KCNMA1: variants seen among roughly 807,000 people sequenced by gnomAD.
KCNMA1 encodes the protein potassium calcium-activated channel subfamily M alpha 1, also known as Calcium-activated potassium channel subunit alpha-1.
In KCNMA1, 29 loss-of-function variants were observed where a neutral mutation model predicts 140.0. The observed-to-expected ratio is 0.21, with a 90% CI of 0.15 to 0.28. KCNMA1 has a LOEUF of 0.28. KCNMA1 is among the 10% of genes least tolerant of loss of function. The pLI is 1.00. For missense variants in KCNMA1, 880 were observed against 1,602.2 expected (o/e 0.55, Z 7.70); for synonymous variants, 612 against 611.9 (o/e 1.00, Z 0.00).
intron 12 of KCNMA1, among the ~76,000 whole-genome samples, chr10:77,082,907 G>A (rs1275231747): frequency 6.6e-6 from 1 of 152,222 alleles, no homozygotes; most frequent in Admixed American, 6.5e-5. Flanking sequence ...AGGGAGGACT[G>A]GCTCCTCTGA....
intron 2 of KCNMA1, among the ~76,000 whole-genome samples, chr10:77,318,242 G>T (rs1192573128): frequency 6.6e-6 from 1 of 152,156 alleles, no homozygotes; most frequent in Non-Finnish European, 1.5e-5. Flanking sequence ...GATTTTACCT[G>T]CATTTTCACT....
At chr10:77,109,958 C>A (rs1423473794) in intron 8 of KCNMA1, among the ~76,000 whole-genome samples, 1 of 152,164 alleles carries the variant, frequency 6.6e-6, no homozygotes, top group Non-Finnish European at 1.5e-5. Flanking sequence ...CTGTCCCCGA[C>A]AAGGGCAATG....
intron 1 of KCNMA1, among the ~76,000 whole-genome samples, chr10:77,422,986 A>T (rs969102104): frequency 2.6e-5 from 4 of 152,262 alleles, no homozygotes; most frequent in Non-Finnish European, 5.9e-5. Flanking sequence ...TTCTAGTCCA[A>T]GGACAGATAA....
intron 16 of KCNMA1, among the ~76,000 whole-genome samples, chr10:77,026,831 C>T (rs2093497175): frequency 6.6e-6 from 1 of 152,118 alleles, no homozygotes; most frequent in Non-Finnish European, 1.5e-5. Flanking sequence ...ACTTGAAAGT[C>T]TGGCTGTATT....
At chr10:77,497,056 G>A (rs74738383) in intron 1 of KCNMA1, among the ~76,000 whole-genome samples, 3,468 of 152,312 alleles carry the variant, frequency 0.023, 69 homozygotes, top group African/African-American at 0.05. Flanking sequence ...GGCCTCTGCA[G>A]AGGTCTGTGC....
intron 23 of KCNMA1, 151 bp downstream of exon 23, chr10:76,944,622 G>C (rs1218282703): frequency 2.8e-6 from 2 of 709,518 alleles, no homozygotes; most frequent in African/African-American, 1.7e-5. Flanking sequence ...AGAGGCAGCA[G>C]ATGCCCCTTT....
chr10:76,941,030 A>G (rs149461550), intron 23 of KCNMA1, among the ~76,000 whole-genome samples: 725 of 48,718 alleles, frequency 0.015, 11 homozygotes, highest in Middle Eastern at 0.021. Flanking sequence ...AGAAAGAAAG[A>G]AAGAAAGAAA....
At chr10:77,058,889 G>GAAAC (rs1158605253) in intron 14 of KCNMA1, among the ~76,000 whole-genome samples, 1 of 151,342 alleles carries the variant, frequency 6.6e-6, no homozygotes, top group Non-Finnish European at 1.5e-5. Context: ...AAGCAGAAAG[G>GAAAC]AAACAAACAA....
intron 14 of KCNMA1, among the ~76,000 whole-genome samples, chr10:77,048,388 C>T (rs1565770590): frequency 6.6e-6 from 1 of 152,152 alleles, no homozygotes; most frequent in Non-Finnish European, 1.5e-5. Context: ...AATCTGACTT[C>T]CCATAATTTC....
chr10:77,243,633 T>C (rs946389711), intron 3 of KCNMA1, among the ~76,000 whole-genome samples: 6 of 152,178 alleles, frequency 3.9e-5, no homozygotes, highest in Non-Finnish European at 7.3e-5. Flanking sequence ...TGTATAGACA[T>C]AGTTATCAGA....
chr10:77,197,379 G>A (rs940065607), intron 3 of KCNMA1, among the ~76,000 whole-genome samples: 1 of 152,240 alleles, frequency 6.6e-6, no homozygotes, highest in Non-Finnish European at 1.5e-5. Context: ...ATGTAGGACT[G>A]ATGATCAGGT....
At chr10:77,072,429 T>C (rs532066276) in intron 14 of KCNMA1, among the ~76,000 whole-genome samples, 4 of 152,202 alleles carry the variant, frequency 2.6e-5, no homozygotes, top group African/African-American at 7.2e-5. Context: ...AGTCGGTTTT[T>C]TTTCTCTCCT....
chr10:77,636,699 T>C, intron 1 of KCNMA1: 2 of 1,527,602 alleles, frequency 1.3e-6, no homozygotes, highest in Non-Finnish European at 1.8e-6. Context: ...AGTCCCCCTG[T>C]TATCTCGGGC....
At chr10:77,150,969 A>G (rs193237349) in intron 5 of KCNMA1, among the ~76,000 whole-genome samples, 5 of 152,354 alleles carry the variant, frequency 3.3e-5, no homozygotes, top group African/African-American at 7.2e-5. Flanking sequence ...TCAAATTTCT[A>G]TAATTATAAT....
At chr10:77,083,233 C>G (rs1306431081) in intron 12 of KCNMA1, among the ~76,000 whole-genome samples, 2 of 152,142 alleles carry the variant, frequency 1.3e-5, no homozygotes, top group African/African-American at 4.8e-5. Flanking sequence ...CTTAACTCTT[C>G]TGCAATTTAT....
At chr10:77,564,454 A>G (rs1263370815) in intron 1 of KCNMA1, among the ~76,000 whole-genome samples, 1 of 152,160 alleles carries the variant, frequency 6.6e-6, no homozygotes, top group Admixed American at 6.5e-5. Flanking sequence ...CAGGTGGCAC[A>G]TGCCTGTAAT....
intron 5 of KCNMA1, among the ~76,000 whole-genome samples, chr10:77,170,465 CGGAGGTGAG>C: frequency 8.3e-6 from 1 of 119,832 alleles, no homozygotes; most frequent in Non-Finnish European, 1.7e-5. Flanking sequence ...GGGAGAAGGT[CGGAGGTGAG>C]GCTCCATCCC....
At chr10:77,341,155 G>A (rs950021565) in intron 2 of KCNMA1, among the ~76,000 whole-genome samples, 5 of 152,184 alleles carry the variant, frequency 3.3e-5, no homozygotes, top group South Asian at 2.1e-4. Context: ...CTGTATGTCC[G>A]TTGTTTTCAC....
chr10:76,966,771 T>C (rs1317426347), intron 20 of KCNMA1, among the ~76,000 whole-genome samples: 2 of 152,194 alleles, frequency 1.3e-5, no homozygotes, highest in African/African-American at 2.4e-5. Context: ...GAAGCCTCCA[T>C]GGCTCACACC....
Sources: allele counts gnomAD v4.1 joint callset (sites outside exome capture counted in the v4.1 genomes callset), GRCh38; gene constraint gnomAD v4.1.1; transcripts MANE v1.5; gene names NCBI Gene and HGNC (gene_info 2026-07-23, HGNC 2026-07-21).